NRXN3: variants seen among roughly 807,000 people sequenced by gnomAD.
NRXN3 encodes the protein neurexin III.
A neutral mutation model predicts 137.6 loss-of-function variants in NRXN3; 32 were observed. The ratio of observed to expected loss-of-function variants is 0.23; its 90% confidence interval spans 0.18 to 0.31. NRXN3 has a LOEUF of 0.31. NRXN3 is among the 10% of genes least tolerant of loss of function. The pLI, the probability that NRXN3 is intolerant of heterozygous loss-of-function variation, is 1.00. For missense variants in NRXN3, 1,574 were observed against 2,062.5 expected (o/e 0.76, Z 4.59); for synonymous variants, 798 against 784.5 (o/e 1.02, Z -0.29).
intron 15 of NRXN3, among the ~76,000 whole-genome samples, chr14:79,261,642 TGATGGG>T (rs2077605204): frequency 3.2e-4 from 11 of 33,902 alleles, no homozygotes; most frequent in Admixed American, 8.1e-4. Context: ...TGTGTGTGTG[TGATGGG>T]GTGGGGGCGG....
At chr14:78,561,713 C>A (rs531912429) in intron 4 of NRXN3, among the ~76,000 whole-genome samples, 1 of 152,310 alleles carries the variant, frequency 6.6e-6, no homozygotes, top group African/African-American at 2.4e-5. Context: ...TCATCGGCTC[C>A]TCTTAAATTC....
intron 20 of NRXN3, among the ~76,000 whole-genome samples, chr14:79,828,072 CA>C (rs1189037465): frequency 1.3e-5 from 2 of 152,114 alleles, no homozygotes; most frequent in East Asian, 1.9e-4. Context: ...CTTCATGACC[CA>C]AACACCTCCC....
intron 10 of NRXN3, among the ~76,000 whole-genome samples, chr14:78,888,558 T>A (rs1185317064): frequency 6.6e-6 from 1 of 152,050 alleles, no homozygotes; most frequent in Non-Finnish European, 1.5e-5. Context: ...TTTGAAGGCA[T>A]GGAGAAGTGC....
chr14:79,030,850 C>T (rs919174286), intron 15 of NRXN3, among the ~76,000 whole-genome samples: 8 of 151,948 alleles, frequency 5.3e-5, no homozygotes, highest in Admixed American at 2.6e-4. Flanking sequence ...TCGCTATCAT[C>T]CTTTTAATGA....
chr14:79,296,885 T>A (rs1241663261), intron 15 of NRXN3, among the ~76,000 whole-genome samples: 2 of 152,250 alleles, frequency 1.3e-5, no homozygotes, highest in African/African-American at 2.4e-5. Flanking sequence ...AAATGTTTAA[T>A]GTGGCCTAGC....
In NRXN3 at chr14:78,868,785, C is replaced by G. The variant is rs150765228; in HGVS notation, c.2275+58441C>G. 4.6e-3 allele frequency among the ~76,000 whole-genome samples: 706 copies of G among 151,924 alleles called. 2 individuals carry two copies. The highest frequency in any genetic ancestry group is 0.017 in the African/African-American group (687 of 41,436). On this transcript the variant is annotated intron_variant, in intron 10 of 20. Transcript: ENST00000335750. Reference sequence around the variant, plus strand: ...GTGGTGAGCCGAGATTGCACCATTGCACTCCAGCCAGGGCAAAAAAAGCGA... The same window carrying G: ...GTGGTGAGCCGAGATTGCACCATTGGACTCCAGCCAGGGCAAAAAAAGCGA...
In NRXN3 at chr14:79,305,235, G is replaced by A. The variant is rs535041545; in HGVS notation, c.3263-161986G>A. ...GCTAATATGTGTATATTAGCTTAAT[G>A]CCTAGCATTCGTAAATACTCAGATA... On this transcript the variant is annotated intron_variant, in intron 15 of 20. Coordinates refer to ENST00000335750, the MANE Select transcript of NRXN3 (RefSeq NM_001330195.2). Among the ~76,000 whole-genome samples the A allele has an allele frequency of 2.6e-5, 4 of 152,172 alleles. No individual in the cohort carries two copies. In the East Asian group the frequency reaches 5.8e-4, roughly 22 times the overall value.
Position 78,851,709 on chromosome 14 carries a change from A to T in NRXN3, c.2275+41365A>T, listed in dbSNP as rs1251115288. ...CATGTCACTCAGATGGAAGGAAACA[A>T]CGAAAGTGAGAAATAAATGTTAACT... On this transcript the variant is annotated intron_variant, in intron 10 of 20. Transcript: ENST00000335750. Among the ~76,000 whole-genome samples, 3 of 152,218 alleles carry T rather than the reference A, an allele frequency of 2.0e-5. 1 individual carries two copies. The highest frequency in any genetic ancestry group is 2.0e-4 in the Admixed American group (3 of 15,276).
At chr14:79,832,555 G>A (rs1422603809) in intron 20 of NRXN3, among the ~76,000 whole-genome samples, 1 of 152,152 alleles carries the variant, frequency 6.6e-6, no homozygotes, top group Middle Eastern at 3.2e-3. Context: ...CCACAACTGG[G>A]AAGATGCTAA....
intron 4 of NRXN3, among the ~76,000 whole-genome samples, chr14:78,593,712 A>G (rs2097136248): frequency 6.6e-6 from 1 of 152,006 alleles, no homozygotes; most frequent in Admixed American, 6.5e-5. Flanking sequence ...GGGTGGGGAA[A>G]TTGTCATCCT....
chr14:78,642,459 T>C (rs2097645520), intron 4 of NRXN3, among the ~76,000 whole-genome samples: 1 of 152,188 alleles, frequency 6.6e-6, no homozygotes, highest in Admixed American at 6.5e-5. Flanking sequence ...CTTTGAAGGG[T>C]ACTGGATGAT....
At chr14:78,382,897 G>T (rs1261945001) in intron 4 of NRXN3, among the ~76,000 whole-genome samples, 2 of 152,166 alleles carry the variant, frequency 1.3e-5, no homozygotes, top group Non-Finnish European at 2.9e-5. Context: ...TCTGATCTGA[G>T]ATCACACTGC....
At chr14:78,252,159 T>C in intron 2 of NRXN3, among the ~76,000 whole-genome samples, 1 of 137,068 alleles carries the variant, frequency 7.3e-6, no homozygotes, top group East Asian at 2.0e-4. Flanking sequence ...GTTTTTTTCT[T>C]TTTTTTTTTT....
At chr14:78,177,405 C>A (rs1330676732) in intron 1 of NRXN3, among the ~76,000 whole-genome samples, 4 of 151,588 alleles carry the variant, frequency 2.6e-5, no homozygotes, top group Admixed American at 2.6e-4. Context: ...TGGGGTGGGG[C>A]CAGAGAAAAT....
At chr14:79,011,739 T>A (rs1047096695) in intron 15 of NRXN3, among the ~76,000 whole-genome samples, 1 of 151,962 alleles carries the variant, frequency 6.6e-6, no homozygotes, top group Non-Finnish European at 1.5e-5. Flanking sequence ...GTCATTTGGG[T>A]GTTCATATTA....
At chr14:79,729,478 A>G (rs2154070621) in intron 19 of NRXN3, among the ~76,000 whole-genome samples, 1 of 152,316 alleles carries the variant, frequency 6.6e-6, no homozygotes, top group South Asian at 2.1e-4. Flanking sequence ...TTGGATGGCC[A>G]TATACCTTGC....
chr14:79,537,158 G>A (rs1224542407), intron 16 of NRXN3, among the ~76,000 whole-genome samples: 4 of 152,128 alleles, frequency 2.6e-5, no homozygotes, highest in African/African-American at 7.2e-5. Context: ...CATTCTGACT[G>A]TCATGAGATG....
chr14:79,561,807 A>G (rs577759584), intron 16 of NRXN3, among the ~76,000 whole-genome samples: 1 of 152,166 alleles, frequency 6.6e-6, no homozygotes, highest in Non-Finnish European at 1.5e-5. Context: ...TTAAGAAAAG[A>G]AAAGAAAAAA....
intron 16 of NRXN3, among the ~76,000 whole-genome samples, chr14:79,476,646 T>C (rs1302872248): frequency 6.6e-6 from 1 of 152,146 alleles, no homozygotes; most frequent in Non-Finnish European, 1.5e-5. Context: ...CCATCTTACA[T>C]TGATACCATT....
Sources: gnomAD v4.1 joint callset for allele counts (sites outside exome capture counted in the v4.1 genomes callset) on GRCh38, gnomAD v4.1.1 for gene constraint, MANE v1.5 for transcripts, NCBI Gene and HGNC (gene_info 2026-07-23, HGNC 2026-07-21) for gene names.